Variants in GFOD1 observed in about 807,000 individuals in gnomAD.
GFOD1 encodes Gfo/Idh/MocA-like oxidoreductase domain containing 1.
A neutral mutation model predicts 25.4 loss-of-function variants in GFOD1; 9 were observed. The ratio of observed to expected loss-of-function variants is 0.35; its 90% CI spans 0.21 to 0.62. The LOEUF is 0.62. GFOD1 is among the 20% of genes least tolerant of loss of function. GFOD1 has a pLI of 0.72. For missense variants in GFOD1, 403 were observed against 556.9 expected, an observed-to-expected ratio of 0.72 and a Z score of 2.78; for synonymous variants, 253 against 245.6, an observed-to-expected ratio of 1.03 and a Z score of -0.28.
Position 13,487,024 on chromosome 6 carries a change from G to C in GFOD1, c.-134C>G, listed in dbSNP as rs905886604. ...GCGGTGCGCCAGCCGCCGTGCACCGGGCAAGGCGCCCGGGTGCCCAGAGCG... is the reference window on the plus strand; with the variant it reads ...GCGGTGCGCCAGCCGCCGTGCACCGCGCAAGGCGCCCGGGTGCCCAGAGCG... On this transcript the variant is annotated 5_prime_UTR_variant, in exon 1 of 2. Coordinates refer to ENST00000379287, the MANE Select transcript of GFOD1 (RefSeq NM_018988.4). This position sits in a 1 kb window ranked among gnomAD's most constrained non-coding sequence, Gnocchi z 4.9. The C allele has an allele frequency of 2.6e-6, 3 of 1,135,682 alleles. No homozygotes were observed. In the African/African-American group the frequency reaches 4.7e-5, roughly 18 times the overall value. 70.4% of individuals were successfully genotyped at this position (1,135,682 alleles called of 1,614,324 possible).
rs575966218 is a variant in GFOD1 at position 13,364,647 on chromosome 6, C to T, written c.*96G>A. On this transcript the variant is annotated 3_prime_UTR_variant, in exon 2 of 2. Coordinates refer to ENST00000379287, the MANE Select transcript of GFOD1 (RefSeq NM_018988.4). This position sits in a 1 kb window ranked among gnomAD's most constrained non-coding sequence, Gnocchi z 4.1. ...CACACTGTCCCTCCACCTCCCTGAT[C>T]CCCACATTCCCCATGGTCACCCTCT... The T allele has an allele frequency of 1.1e-5, 11 of 1,030,244 alleles. No homozygotes were observed. In the African/African-American group the frequency reaches 1.4e-4, roughly 13 times the overall value. 63.8% of individuals were successfully genotyped at this position (1,030,244 alleles called of 1,614,324 possible).
chr6:13,464,124 T>C (rs1758340002), intron 1 of GFOD1, among the ~76,000 whole-genome samples: 1 of 152,220 alleles, frequency 6.6e-6, no homozygotes, highest in Admixed American at 6.5e-5. Context: ...CTTTCCCAAA[T>C]GACTCAGATC....
intron 1 of GFOD1, among the ~76,000 whole-genome samples, chr6:13,429,883 G>GC (rs1381112128): frequency 1.2e-4 from 18 of 152,174 alleles, no homozygotes; most frequent in Admixed American, 3.9e-4. Flanking sequence ...ACACACACAT[G>GC]CATGTATAGA....
At chr6:13,418,483 C>T (rs1399573481) in intron 1 of GFOD1, among the ~76,000 whole-genome samples, 2 of 152,180 alleles carry the variant, frequency 1.3e-5, no homozygotes, top group Non-Finnish European at 2.9e-5. Context: ...CTTCAGTTTG[C>T]TCATGTGTCC....
chr6:13,428,152 C>A (rs1003286705), intron 1 of GFOD1, among the ~76,000 whole-genome samples: 1 of 152,142 alleles, frequency 6.6e-6, no homozygotes, highest in Non-Finnish European at 1.5e-5. Context: ...TTTCTATCAA[C>A]CATGTGTGAA....
At chr6:13,411,693 A>C (rs1584636638) in intron 1 of GFOD1, among the ~76,000 whole-genome samples, 1 of 152,176 alleles carries the variant, frequency 6.6e-6, no homozygotes, top group African/African-American at 2.4e-5. Flanking sequence ...CAGTGGCTGC[A>C]CTGATGAAGG....
At chr6:13,425,055 C>A (rs751074071) in intron 1 of GFOD1, among the ~76,000 whole-genome samples, 1 of 149,160 alleles carries the variant, frequency 6.7e-6, no homozygotes, top group Non-Finnish European at 1.5e-5. Context: ...ACCTCCTGGG[C>A]TCAAGCTATT....
chr6:13,445,839 A>T (rs1584656644), intron 1 of GFOD1, among the ~76,000 whole-genome samples: 2 of 152,212 alleles, frequency 1.3e-5, no homozygotes, highest in African/African-American at 4.8e-5. Context: ...GCTGGGTTGC[A>T]CAGTCCAGAC....
intron 1 of GFOD1, among the ~76,000 whole-genome samples, chr6:13,456,982 C>T (rs971609429): frequency 1.2e-4 from 18 of 152,216 alleles, no homozygotes; most frequent in African/African-American, 4.3e-4. Flanking sequence ...GGGACAGTTT[C>T]AGAGCATTCA....
intron 1 of GFOD1, among the ~76,000 whole-genome samples, chr6:13,427,817 C>T (rs1432384921): frequency 6.6e-6 from 1 of 152,160 alleles, no homozygotes; most frequent in Non-Finnish European, 1.5e-5. Context: ...TACGTAATTC[C>T]TGGTGCCCCT....
intron 1 of GFOD1, among the ~76,000 whole-genome samples, chr6:13,462,996 T>A (rs1206626024): frequency 6.6e-6 from 1 of 152,214 alleles, no homozygotes; most frequent in Non-Finnish European, 1.5e-5. Flanking sequence ...CTGCTAAGAT[T>A]TCACGAGGCA....
chr6:13,361,025 C>A lies in GFOD1; in HGVS notation c.*3718G>T. ...ATAAAAGAAATAGCAATACCCAACA[C>A]TATAGGGTTGTTTTTATGGATTGTA... On this transcript the variant is annotated 3_prime_UTR_variant, in exon 2 of 2. Transcript: ENST00000379287. 2 of 364,330 alleles carry A rather than the reference C, an allele frequency of 5.5e-6. No homozygotes were observed. The highest frequency in any genetic ancestry group is 2.0e-5 in the South Asian group (1 of 49,154). 22.6% of individuals were successfully genotyped at this position (364,330 alleles called of 1,614,324 possible).
At chr6:13,475,419 C>T (rs28407076) in intron 1 of GFOD1, among the ~76,000 whole-genome samples, 4,764 of 151,724 alleles carry the variant, frequency 0.031, 234 homozygotes, top group African/African-American at 0.11. Context: ...ACTAAAAATA[C>T]AAAAATTAGG....
intron 1 of GFOD1, among the ~76,000 whole-genome samples, chr6:13,373,056 T>C (rs1785181937): frequency 1.3e-5 from 2 of 152,222 alleles, no homozygotes; most frequent in African/African-American, 4.8e-5. Context: ...ACTCATTATC[T>C]TCATTTATAC....
At chr6:13,399,064 G>A (rs1012600759) in intron 1 of GFOD1, among the ~76,000 whole-genome samples, 1 of 152,088 alleles carries the variant, frequency 6.6e-6, no homozygotes, top group Non-Finnish European at 1.5e-5. Flanking sequence ...ACCCAGGCTG[G>A]AGTGCAGTGG....
chr6:13,476,991 A>G (rs146025172), intron 1 of GFOD1, among the ~76,000 whole-genome samples: 2 of 152,116 alleles, frequency 1.3e-5, no homozygotes, highest in Non-Finnish European at 2.9e-5. Flanking sequence ...TCAAGTCTGA[A>G]CCCAAAAGAA....
chr6:13,397,369 T>C (rs1407692441), intron 1 of GFOD1, among the ~76,000 whole-genome samples: 1 of 152,192 alleles, frequency 6.6e-6, no homozygotes, highest in Non-Finnish European at 1.5e-5. Context: ...ACCCTCGAAA[T>C]GAAAAGTGGT....
rs1465793566 is a variant in GFOD1 at position 13,486,716 on chromosome 6, G to A, written c.175C>T (p.Leu59=). The part of the protein sequence containing the change: ...PFYTSRIDEV[L]LHQDVDLVCI... ...ACCAAGTCCACGTCCTGATGCAGCAGCACCTCATCAATGCGGCTAGTGTAG... is the reference window on the plus strand; with the variant it reads ...ACCAAGTCCACGTCCTGATGCAGCAACACCTCATCAATGCGGCTAGTGTAG... The change falls in exon 1 of 2, where the codon CTG becomes TTG. Residue 59 remains leucine, a synonymous_variant. Transcript: ENST00000379287. 3 of 1,613,936 alleles carry A rather than the reference G, an allele frequency of 1.9e-6. No individual in the cohort carries two copies. Among genetic ancestry groups the A allele is most frequent in the Non-Finnish European group, 2.5e-6 (3 of 1,179,938 alleles).
At chr6:13,393,473 C>A (rs559612) in intron 1 of GFOD1, among the ~76,000 whole-genome samples, 1 of 151,206 alleles carries the variant, frequency 6.6e-6, no homozygotes, top group Admixed American at 6.6e-5. Flanking sequence ...AAAGGACCAC[C>A]GGCCAGTCCA....
Sources: gnomAD v4.1 joint callset for allele counts (sites outside exome capture counted in the v4.1 genomes callset) on GRCh38, gnomAD v4.1.1 for gene constraint, Gnocchi (gnomAD v3.1) non-coding constraint, MANE v1.5 for transcripts, NCBI Gene and HGNC (gene_info 2026-07-23, HGNC 2026-07-21) for gene names.